ARID1A: variants seen among roughly 807,000 people sequenced by gnomAD.
The protein encoded by ARID1A is AT-rich interactive domain-containing protein 1A.
A neutral mutation model predicts 212.6 loss-of-function variants in ARID1A; 20 were observed. That is an observed-to-expected ratio of 0.09 (90% CI 0.07 to 0.14). The LOEUF (loss-of-function observed/expected upper bound fraction) is 0.14. Ranked by LOEUF, ARID1A falls within the 10% of genes least tolerant of loss-of-function variation. The pLI, the probability that ARID1A is intolerant of heterozygous loss-of-function variation, is 1.00. For synonymous variants in ARID1A, 1,376 were observed against 1,222.1 expected, an observed-to-expected ratio of 1.13 and a Z score of -2.63; for missense variants, 2,587 against 3,059.0, an observed-to-expected ratio of 0.85 and a Z score of 3.64.
At position 26,774,466 on chromosome 1, in the gene ARID1A, C is replaced by T. The variant is rs1159433968; in HGVS notation, c.4239C>T (p.Ala1413=). 6 of 1,613,794 alleles carry T rather than the reference C, an allele frequency of 3.7e-6. No individual in the cohort carries two copies. In the South Asian group the frequency reaches 6.6e-5, roughly 18 times the overall value. The part of the protein sequence containing the change: ...QQLPPAQPQP[A]SQQQAAQPSP... Reference sequence around the variant, plus strand: ...TGCCCCCAGCCCAGCCCCAGCCTGCCAGCCAGCAACAAGCTGCCCAGCCTT... The same window carrying T: ...TGCCCCCAGCCCAGCCCCAGCCTGCTAGCCAGCAACAAGCTGCCCAGCCTT... The change falls in exon 18 of 20, where the codon GCC becomes GCT. Residue 1413 remains alanine, a synonymous_variant. Transcript: ENST00000324856. This position sits in a 1 kb window ranked among gnomAD's most constrained non-coding sequence, Gnocchi z 5.6.
chr1:26,718,330 T>C (rs1345345162), intron 1 of ARID1A, among the ~76,000 whole-genome samples: 1 of 152,192 alleles, frequency 6.6e-6, no homozygotes, highest in Non-Finnish European at 1.5e-5. Flanking sequence ...CTACTATCTG[T>C]TCTGTTGATA....
chr1:26,768,426 A>T (rs923171633), intron 11 of ARID1A, among the ~76,000 whole-genome samples: 3 of 152,214 alleles, frequency 2.0e-5, no homozygotes, highest in African/African-American at 7.2e-5. Flanking sequence ...AAATACAAAC[A>T]GTATGTAACA....
chr1:26,764,867 G>T (rs1167857582), intron 8 of ARID1A: 1 of 152,164 alleles, frequency 6.6e-6, no homozygotes, highest in Non-Finnish European at 1.5e-5. Context: ...AAAGGACACA[G>T]CAGGGCTCTG....
chr1:26,751,791 A>C (rs986390134), intron 4 of ARID1A, among the ~76,000 whole-genome samples: 1 of 152,190 alleles, frequency 6.6e-6, no homozygotes, highest in Non-Finnish European at 1.5e-5. Context: ...ATGTGTATAT[A>C]GGGAGTTTCC....
chr1:26,774,199 T>C lies in ARID1A; in HGVS notation c.4102-130T>C, dbSNP rs1480232512. 1 of 1,450,300 alleles carries C rather than the reference T, an allele frequency of 6.9e-7. No individual in the cohort carries two copies. The highest frequency in any genetic ancestry group is 9.1e-7 in the Non-Finnish European group (1 of 1,097,568). The allele number at this position is 1,450,300 out of a possible 1,614,324, so 89.8% of individuals were successfully genotyped here. A position where few individuals can be genotyped will look rare whatever the true frequency, so the allele number is the denominator to read the frequency against. On this transcript the variant is annotated intron_variant, in intron 17 of 19. Transcript: ENST00000324856. This position sits in a 1 kb window ranked among gnomAD's most constrained non-coding sequence, Gnocchi z 5.6. ...GGAAACAACTTCAAAAGACAATTTG[T>C]TAAGGTGATTCCCATGTTTTCTTGG...
chr1:26,737,185 G>A (rs2080742282), intron 4 of ARID1A, among the ~76,000 whole-genome samples: 2 of 151,656 alleles, frequency 1.3e-5, no homozygotes, highest in East Asian at 1.9e-4. Context: ...GTTTATTCTC[G>A]GCTCACTGCA....
At chr1:26,726,174 GT>G (rs1297710813) in intron 1 of ARID1A, among the ~76,000 whole-genome samples, 154 of 107,354 alleles carry the variant, frequency 1.4e-3, no homozygotes, top group Middle Eastern at 0.013. Context: ...GTTTTTTTTT[GT>G]TTTTTTTTTT....
At chr1:26,753,749 G>A (rs570781442) in intron 4 of ARID1A, among the ~76,000 whole-genome samples, 5 of 152,304 alleles carry the variant, frequency 3.3e-5, no homozygotes, top group South Asian at 4.1e-4. Flanking sequence ...AGTTATTTCC[G>A]CAGTCCTTCC....
intron 1 of ARID1A, among the ~76,000 whole-genome samples, chr1:26,708,729 C>T (rs1490171711): frequency 6.6e-6 from 1 of 151,774 alleles, no homozygotes; most frequent in Non-Finnish European, 1.5e-5. Flanking sequence ...AGTCTTTGCT[C>T]TGTCGCCCAG....
intron 1 of ARID1A, among the ~76,000 whole-genome samples, chr1:26,705,460 C>G (rs928069031): frequency 6.6e-6 from 1 of 150,822 alleles, no homozygotes; most frequent in Non-Finnish European, 1.5e-5. Context: ...TTCCCCCCCC[C>G]TCAAGTAATG....
chr1:26,750,839 C>T (rs1199643260), intron 4 of ARID1A, among the ~76,000 whole-genome samples: 1 of 151,828 alleles, frequency 6.6e-6, no homozygotes, highest in Non-Finnish European at 1.5e-5. Context: ...CTACAGAAAA[C>T]CCAGGGGTGA....
chr1:26,769,512 T>C (rs1238947452), intron 11 of ARID1A: 1 of 151,758 alleles, frequency 6.6e-6, no homozygotes, highest in Non-Finnish European at 1.5e-5. Flanking sequence ...TGGGAGAGAG[T>C]CTAGATATTT....
chr1:26,779,562 A>G lies in ARID1A; in HGVS notation c.5664A>G (p.Thr1888=). The G allele has an allele frequency of 1.2e-6, 2 of 1,614,130 alleles. No individual in the cohort carries two copies. Among genetic ancestry groups the G allele is most frequent in the Non-Finnish European group, 1.7e-6 (2 of 1,180,026 alleles). ...AGCATGTGACAACAGCAGAGGGTAC[A>G]CCAGGGACAACAGACCAGGAGGGGC... ...PRKHVTTAEG[T]PGTTDQEGPP... The change falls in exon 20 of 20, where the codon ACA becomes ACG. Residue 1888 remains threonine (T), a synonymous_variant. Transcript: ENST00000324856.
chr1:26,778,763 T>C, intron 19 of ARID1A: 2 of 353,766 alleles, frequency 5.7e-6, no homozygotes, highest in Non-Finnish European at 1.0e-5. Context: ...TGATTGGCCC[T>C]GGTGGGTGAG....
chr1:26,779,488 G>C lies in ARID1A; in HGVS notation c.5590G>C (p.Glu1864Gln), dbSNP rs1371851589. Residue 1864 changes from glutamate to glutamine, a missense_variant, in exon 20 of 20, where the codon GAG (glutamate) becomes CAG (glutamine). By Grantham distance (29) the Glu-to-Gln change is conservative. Transcript: ENST00000324856. ...HIQTHFESKT[E>Q]LLPSRPHAPC... The stretch of plus-strand genomic sequence containing the variant: ...CCAGACCCACTTCGAGAGCAAGACA[G>C]AGCTGCTGCCTTCCCGGCCTCACGC... 6.2e-7 allele frequency: 1 copy of C among 1,614,154 alleles called. No individual in the cohort carries two copies. The highest frequency in any genetic ancestry group is 8.5e-7 in the Non-Finnish European group (1 of 1,180,034).
rs2124743462 is a variant in ARID1A at position 26,697,173 on chromosome 1, C to T, written c.770C>T (p.Ala257Val). The change falls in exon 1 of 20, where the codon GCC (alanine) becomes GTC (valine). Residue 257 changes from alanine (A) to valine (V), a missense_variant. This residue lies in a region of ARID1A where 735 missense variants were observed against 590.6 expected (regional missense o/e 1.24). Transcript: ENST00000324856. Reference protein sequence around the residue: ...AGSKPPPSSSASASSSSSSFA... With the variant: ...AGSKPPPSSSVSASSSSSSFA... ...TCCAAGCCGCCTCCCTCCTCCAGCG[C>T]CTCCGCCTCCTCGTCGTCTTCGTCC... is the stretch of plus-strand genomic sequence containing the variant. 1.4e-6 allele frequency: 2 copies of T among 1,431,694 alleles called. No individual in the cohort carries two copies. The highest frequency in any genetic ancestry group is 1.8e-6 in the Non-Finnish European group (2 of 1,097,726). 88.7% of individuals were successfully genotyped at this position (1,431,694 alleles called of 1,614,324 possible). A position where few individuals can be genotyped will look rare whatever the true frequency, so the allele number is the denominator to read the frequency against.
At chr1:26,772,664 A>C (rs748183182) in intron 13 of ARID1A, 32 bp downstream of exon 13, 18 of 1,614,036 alleles carry the variant, frequency 1.1e-5, no homozygotes, top group Non-Finnish European at 1.5e-5. Flanking sequence ...GATGGTTGGG[A>C]GGATGGCTGA....
intron 4 of ARID1A, among the ~76,000 whole-genome samples, chr1:26,759,460 G>A (rs933445830): frequency 2.6e-5 from 4 of 152,140 alleles, no homozygotes; most frequent in South Asian, 2.1e-4. Context: ...TGCCCGCCTC[G>A]GCCTCCCAAA....
In ARID1A at chr1:26,771,276, C is replaced by T. The variant is rs767113467; in HGVS notation, c.3356C>T (p.Ala1119Val). ...GAAGACCCTCCCCCAGACATCTTTG[C>T]AGCTGCTGATTCCAAGAAGTCCCAG... ...RGEDPPPDIF[A>V]AADSKKSQPK... The change falls in exon 12 of 20, where the codon GCA (alanine) becomes GTA (valine). Residue 1119 changes from alanine to valine, a missense_variant. Ala to Val is a moderately conservative substitution (Grantham distance 64). Around this residue, in one of 11 missense-constraint regions of ARID1A, gnomAD observed 890 missense variants for 1,098.2 expected, o/e 0.81. Transcript: ENST00000324856. The surrounding 1 kb of genome is among the most constrained non-coding windows in gnomAD (Gnocchi z 5.4). 2 of 1,614,212 alleles carry T rather than the reference C, an allele frequency of 1.2e-6. No individual in the cohort carries two copies. The highest frequency in any genetic ancestry group is 1.7e-6 in the Non-Finnish European group (2 of 1,180,042).
Sources: gnomAD v4.1 joint callset for allele counts (sites outside exome capture counted in the v4.1 genomes callset) on GRCh38, gnomAD v4.1.1 for gene constraint, gnomAD v4.1.1 regional missense constraint, Gnocchi (gnomAD v3.1) non-coding constraint, MANE v1.5 for transcripts, NCBI Gene and HGNC (gene_info 2026-07-23, HGNC 2026-07-21) for gene names.